Variants in ZNF385D observed in about 807,000 individuals in gnomAD.
The protein encoded by ZNF385D is zinc finger protein 659.
In ZNF385D, 15 loss-of-function variants were observed where a neutral mutation model predicts 35.8. The ratio of observed to expected loss-of-function variants is 0.42; its 90% CI spans 0.28 to 0.64. The LOEUF (loss-of-function observed/expected upper bound fraction) is 0.64, where lower values mean the gene tolerates loss of function less well. ZNF385D is among the 30% of genes least tolerant of loss of function. The pLI, the probability that ZNF385D is intolerant of heterozygous loss-of-function variation, is 0.23. For missense variants in ZNF385D, 474 were observed against 494.6 expected, an observed-to-expected ratio of 0.96 and a Z score of 0.39; for synonymous variants, 212 against 186.8, an observed-to-expected ratio of 1.13 and a Z score of -1.10.
At chr3:21,954,962 G>A (rs1183360806) in intron 3 of ZNF385D, among the ~76,000 whole-genome samples, 2 of 152,080 alleles carry the variant, frequency 1.3e-5, no homozygotes, top group Non-Finnish European at 2.9e-5. Flanking sequence ...TCTAGCCTTC[G>A]AAACACTTAG....
chr3:21,680,636 C>T (rs2066869588), intron 1 of ZNF385D, among the ~76,000 whole-genome samples: 1 of 152,116 alleles, frequency 6.6e-6, no homozygotes, highest in African/African-American at 2.4e-5. Flanking sequence ...ATCACATGGA[C>T]TAGAATCATG....
chr3:21,536,502 C>A (rs1446796247), intron 3 of ZNF385D, among the ~76,000 whole-genome samples: 1 of 151,936 alleles, frequency 6.6e-6, no homozygotes, highest in East Asian at 1.9e-4. Flanking sequence ...TATTTTAGAG[C>A]TTAAATAAAA....
rs71044974 is a variant in ZNF385D, at chr3:22,123,962, C to CTA, written c.325+44853_325+44854dup. Among the ~76,000 whole-genome samples, 326 of 61,786 alleles carry CTA rather than the reference C, an allele frequency of 5.3e-3. 4 individuals are homozygous for CTA. The highest frequency in any genetic ancestry group is 0.017 in the Middle Eastern group (1 of 60). The allele number at this position is 61,786 out of a possible 152,430, so 40.5% of individuals were successfully genotyped here. The stretch of plus-strand genomic sequence containing the variant: ...TCTCTCTCTCTCTCTCTCTCTCTCT[C>CTA]TATATATATATATATATATATATAT... On this transcript the variant is annotated intron_variant, in intron 3 of 5. Transcript: ENST00000494108.
chr3:22,112,047 A>G (rs9310680), intron 3 of ZNF385D, among the ~76,000 whole-genome samples: 119,799 of 152,090 alleles, frequency 0.79, 48,095 homozygotes, highest in Non-Finnish European at 0.84. Context: ...TTAAAGGACC[A>G]CAACAAAATT....
chr3:22,015,234 G>C (rs1408915698), intron 3 of ZNF385D, among the ~76,000 whole-genome samples: 1 of 152,166 alleles, frequency 6.6e-6, no homozygotes, highest in Non-Finnish European at 1.5e-5. Context: ...TTTTATAGCA[G>C]CACTTTATCA....
At chr3:21,526,781 A>G (rs182807450) in intron 3 of ZNF385D, among the ~76,000 whole-genome samples, 1 of 151,778 alleles carries the variant, frequency 6.6e-6, no homozygotes, top group Admixed American at 6.6e-5. Flanking sequence ...TGGAAAGGAA[A>G]TAAAGGATCT....
chr3:21,589,674 A>G (rs1377240214), intron 2 of ZNF385D, among the ~76,000 whole-genome samples: 1 of 152,184 alleles, frequency 6.6e-6, no homozygotes, highest in Non-Finnish European at 1.5e-5. Context: ...ATTCAGTAAG[A>G]AAATCATATT....
intron 3 of ZNF385D, among the ~76,000 whole-genome samples, chr3:21,756,435 T>C (rs1353454993): frequency 6.6e-6 from 1 of 152,068 alleles, no homozygotes. Flanking sequence ...TAGGGGCATG[T>C]CTGGTTTGTC....
At chr3:21,703,101 C>T (rs552908408) in intron 1 of ZNF385D, among the ~76,000 whole-genome samples, 22 of 152,242 alleles carry the variant, frequency 1.4e-4, no homozygotes, top group African/African-American at 4.3e-4. Flanking sequence ...CCAATTTTCA[C>T]GCTGCTGATA....
intron 2 of ZNF385D, among the ~76,000 whole-genome samples, chr3:22,320,265 A>G (rs904301851): frequency 6.6e-6 from 1 of 152,146 alleles, no homozygotes; most frequent in African/African-American, 2.4e-5. Flanking sequence ...TGATTAACAG[A>G]GATGAACCAA....
At chr3:21,441,618 A>G in intron 4 of ZNF385D, 1 of 818,588 alleles carries the variant, frequency 1.2e-6, no homozygotes, top group Non-Finnish European at 1.5e-6. Flanking sequence ...CATAATGCTA[A>G]GGTATTAAGT....
At chr3:22,294,915 T>C (rs938098133) in intron 2 of ZNF385D, among the ~76,000 whole-genome samples, 7 of 152,078 alleles carry the variant, frequency 4.6e-5, no homozygotes, top group Non-Finnish European at 1.0e-4. Context: ...TTCAAAGGAG[T>C]GGGAAAATTA....
At chr3:22,074,980 T>C (rs986739976) in intron 3 of ZNF385D, among the ~76,000 whole-genome samples, 1 of 151,936 alleles carries the variant, frequency 6.6e-6, no homozygotes, top group African/African-American at 2.4e-5. Context: ...TGAGGTATTC[T>C]AAAGTTTGAG....
chr3:21,809,687 C>T (rs1053142701), intron 3 of ZNF385D, among the ~76,000 whole-genome samples: 3 of 148,094 alleles, frequency 2.0e-5, no homozygotes, highest in African/African-American at 7.5e-5. Context: ...CACATATATA[C>T]CTATATACAT....
intron 3 of ZNF385D, among the ~76,000 whole-genome samples, chr3:22,155,823 A>T (rs866504071): frequency 1.3e-5 from 2 of 152,032 alleles, no homozygotes; most frequent in African/African-American, 4.8e-5. Context: ...TAAAATAAGG[A>T]TAGAAGAGTT....
chr3:21,522,779 C>T (rs2125506155), intron 3 of ZNF385D, among the ~76,000 whole-genome samples: 1 of 152,306 alleles, frequency 6.6e-6, no homozygotes, highest in Non-Finnish European at 1.5e-5. Flanking sequence ...TAACTGATTT[C>T]TTTTTGTGCT....
Position 21,961,257 on chromosome 3 carries a change from G to T in ZNF385D, c.325+207560C>A, listed in dbSNP as rs145473733. Among the ~76,000 whole-genome samples, 743 of 152,064 alleles carry T rather than the reference G, an allele frequency of 4.9e-3. 8 individuals carry two copies. Among genetic ancestry groups the T allele is most frequent in the African/African-American group, 0.016 (666 of 41,496 alleles). ...AAATGAATGCCTGGAATATAAAAAAGGTCTTGGTATTTGGATATTAAATAA... is the reference window on the plus strand; with the variant it reads ...AAATGAATGCCTGGAATATAAAAAATGTCTTGGTATTTGGATATTAAATAA... On this transcript the variant is annotated intron_variant, in intron 3 of 5. Transcript: ENST00000494108.
At position 21,982,991 on chromosome 3, in the gene ZNF385D, C is replaced by T. The variant is rs560395882; in HGVS notation, c.325+185826G>A. 7.3e-5 allele frequency among the ~76,000 whole-genome samples: 11 copies of T among 151,696 alleles called. No individual in the cohort carries two copies. The East Asian group carries it at 9.7e-4, about 13-fold the overall frequency. On this transcript the variant is annotated intron_variant, in intron 3 of 5. Coordinates refer to the ZNF385D transcript ENST00000494108. ...CTGATGTGCTGCTGAATTTGGTTTG[C>T]GAGTATTTTGCTGAAGATTTTTACA... is the stretch of plus-strand genomic sequence containing the variant.
chr3:21,742,459 T>G (rs1280664059), intron 1 of ZNF385D, among the ~76,000 whole-genome samples: 2 of 152,218 alleles, frequency 1.3e-5, no homozygotes, highest in African/African-American at 4.8e-5. Context: ...TTTGGCCAAT[T>G]TGTCCTGAGA....
Sources: allele counts gnomAD v4.1 joint callset (sites outside exome capture counted in the v4.1 genomes callset), GRCh38; gene constraint gnomAD v4.1.1; transcripts MANE v1.5; gene names NCBI Gene and HGNC (gene_info 2026-07-23, HGNC 2026-07-21).